Variants in SRGAP2B observed in about 807,000 individuals in gnomAD.
SRGAP2B encodes SLIT-ROBO Rho GTPase-activating protein 2B.
A neutral mutation model predicts 22.2 loss-of-function variants in SRGAP2B; 9 were observed. The ratio of observed to expected loss-of-function variants is 0.41; its 90% CI spans 0.24 to 0.71. The LOEUF is 0.71. SRGAP2B is among the 30% of genes least tolerant of loss of function. The probability of loss-of-function intolerance (pLI) is 0.35; values close to 1 mark genes in which losing one functional copy is unlikely to be tolerated. For missense variants in SRGAP2B, 114 were observed against 235.8 expected (o/e 0.48, Z 3.38); for synonymous variants, 36 against 87.4 (o/e 0.41, Z 3.28).
intron 4 of SRGAP2B, chr1:144,920,002 G>T (rs1383309122): frequency 6.6e-6 from 1 of 150,698 alleles, no homozygotes; most frequent in Non-Finnish European, 1.5e-5. Context: ...GCTGACTGGT[G>T]CATTTACAAT....
chr1:145,002,580 T>C (rs6600708), intron 2 of SRGAP2B, among the ~76,000 whole-genome samples: 1 of 147,308 alleles, frequency 6.8e-6, no homozygotes, highest in African/African-American at 2.6e-5. Flanking sequence ...ATAAAAGATA[T>C]ATAAAAAAGA....
intron 3 of SRGAP2B, among the ~76,000 whole-genome samples, chr1:144,975,868 C>CTT (rs56268353): frequency 5.5e-3 from 149 of 27,234 alleles, no homozygotes; most frequent in Non-Finnish European, 6.1e-3. Flanking sequence ...GTTAGTAATT[C>CTT]TTTTTTTTTT....
chr1:145,013,332 G>GCCTCCAGGC (rs1461577489), intron 2 of SRGAP2B, among the ~76,000 whole-genome samples: 1 of 146,010 alleles, frequency 6.8e-6, no homozygotes, highest in Admixed American at 6.8e-5. Flanking sequence ...TGCCTCCCCT[G>GCCTCCAGGC]CCTCCAGGCA....
At chr1:144,955,299 T>C (rs1667174125) in intron 4 of SRGAP2B, 140 bp downstream of exon 4, 1 of 428,852 alleles carries the variant, frequency 2.3e-6, no homozygotes, top group South Asian at 2.6e-5. Flanking sequence ...GCAAGTTTGT[T>C]ACATGGGTAA....
intron 5 of SRGAP2B, among the ~76,000 whole-genome samples, chr1:144,909,564 G>A (rs1663257874): frequency 1.4e-5 from 2 of 146,208 alleles, no homozygotes; most frequent in Admixed American, 1.3e-4. Flanking sequence ...TCCAGCCTGG[G>A]CAACAGAGCG....
At chr1:144,984,802 C>T (rs1485998444) in intron 3 of SRGAP2B, among the ~76,000 whole-genome samples, 3 of 150,764 alleles carry the variant, frequency 2.0e-5, no homozygotes, top group Non-Finnish European at 4.4e-5. Flanking sequence ...TTATTTAAAC[C>T]ATCAGTGGTT....
At chr1:145,022,326 AC>A (rs1281158362) in intron 2 of SRGAP2B, among the ~76,000 whole-genome samples, 2 of 31,200 alleles carry the variant, frequency 6.4e-5, no homozygotes, top group African/African-American at 1.5e-4. Flanking sequence ...CCCCTACCCC[AC>A]CCCCCAACCC....
chr1:144,929,658 A>C (rs1407358836), intron 4 of SRGAP2B, among the ~76,000 whole-genome samples: 1 of 151,392 alleles, frequency 6.6e-6, no homozygotes, highest in African/African-American at 2.5e-5. Context: ...ACTGAGTGCC[A>C]AACATCATAA....
In SRGAP2B at chr1:144,928,380, C is replaced by T. The variant is rs587682300; in HGVS notation, c.424-13626G>A. Among the ~76,000 whole-genome samples, 3 of 146,328 alleles carry T rather than the reference C, an allele frequency of 2.1e-5. No homozygotes were observed. The East Asian group carries it at 5.9e-4, about 29-fold the overall frequency. On this transcript the variant is annotated intron_variant, in intron 4 of 9. Coordinates refer to ENST00000612199, the Ensembl canonical transcript of SRGAP2B. ...TTTGTTCCATAAATCACTTCATTAA[C>T]ATTTGGGTTGCTTCCACTTTTTGGT...
At chr1:144,950,876 T>A (rs1553609257) in intron 4 of SRGAP2B, among the ~76,000 whole-genome samples, 1 of 150,846 alleles carries the variant, frequency 6.6e-6, no homozygotes, top group East Asian at 1.9e-4. Flanking sequence ...TGAGACGAAG[T>A]CTTGCTCTGT....
intron 5 of SRGAP2B, among the ~76,000 whole-genome samples, chr1:144,907,138 CGTGTGT>C (rs1166076665): frequency 4.0e-4 from 51 of 128,196 alleles, no homozygotes; most frequent in South Asian, 2.3e-3. Flanking sequence ...TGTGTGTGTG[CGTGTGT>C]GTGTGTGTGT....
chr1:145,087,252 GT>G (rs1480343667), intron 2 of SRGAP2B, among the ~76,000 whole-genome samples: 1 of 148,276 alleles, frequency 6.7e-6, no homozygotes, highest in Middle Eastern at 3.2e-3. Context: ...ATCAGTAAGG[GT>G]GTTAATTTTG....
At chr1:144,945,414 AT>A (rs1224870082) in intron 4 of SRGAP2B, among the ~76,000 whole-genome samples, 16 of 151,420 alleles carry the variant, frequency 1.1e-4, no homozygotes, top group Admixed American at 1.3e-4. Context: ...ATGAATAAAT[AT>A]TGGAAGCAGC....
In SRGAP2B at chr1:144,934,381, C is replaced by G. The variant is rs1238472825; in HGVS notation, c.424-19627G>C. Among the ~76,000 whole-genome samples the G allele has an allele frequency of 3.9e-5, 4 of 102,342 alleles. No homozygotes were observed. In the East Asian group the frequency reaches 1.1e-3, roughly 29 times the overall value. 67.1% of individuals were successfully genotyped at this position (102,342 alleles called of 152,430 possible). ...ATCGCGCACTGCACTCCAGCCTGGGCAACAAGAGCAAAACTCCATCTCAAA... is the reference window on the plus strand; with the variant it reads ...ATCGCGCACTGCACTCCAGCCTGGGGAACAAGAGCAAAACTCCATCTCAAA... On this transcript the variant is annotated intron_variant, in intron 4 of 9. Transcript: ENST00000612199.
At chr1:145,009,327 G>A (rs1324506636) in intron 2 of SRGAP2B, among the ~76,000 whole-genome samples, 2 of 150,496 alleles carry the variant, frequency 1.3e-5, no homozygotes, top group Admixed American at 1.3e-4. Context: ...GGTGGCTCAC[G>A]CCTGTAATCC....
intron 3 of SRGAP2B, among the ~76,000 whole-genome samples, chr1:144,965,581 G>A (rs1278045770): frequency 9.3e-5 from 13 of 139,204 alleles, no homozygotes; most frequent in Non-Finnish European, 1.7e-4. Flanking sequence ...AACGCAGAGC[G>A]CCTCTCCTCC....
rs1335993750 is a variant in SRGAP2B at position 144,904,830 on chromosome 1, TCTGA to T, written c.831+257_831+260del. ...TTGCCTCTGTCATTTGTTAACTGACTCTGACTAAGTCATCTAAACTCTCTGTTAA... is the reference window on the plus strand; with the variant it reads ...TTGCCTCTGTCATTTGTTAACTGACTCTAAGTCATCTAAACTCTCTGTTAA... On this transcript the variant is annotated intron_variant, in intron 7 of 9. Coordinates refer to ENST00000612199, the Ensembl canonical transcript of SRGAP2B. 6.0e-3 allele frequency among the ~76,000 whole-genome samples: 646 copies of T among 107,358 alleles called. 13 individuals are homozygous for T. Among genetic ancestry groups the T allele is most frequent in the Non-Finnish European group, 9.0e-3 (525 of 58,254 alleles). The allele number at this position is 107,358 out of a possible 152,430, so 70.4% of individuals were successfully genotyped here.
At chr1:145,009,599 A>C (rs1418275115) in intron 2 of SRGAP2B, among the ~76,000 whole-genome samples, 1 of 150,246 alleles carries the variant, frequency 6.7e-6, no homozygotes, top group African/African-American at 2.5e-5. Context: ...AAAAAAAAAA[A>C]AACAAAATTG....
Position 144,998,491 on chromosome 1 carries a change from C to T in SRGAP2B, c.68-3291G>A, listed in dbSNP as rs1226492995. On this transcript the variant is annotated intron_variant, in intron 2 of 9. Transcript: ENST00000612199. ...AGGCTCTGTTAATAGATACCACCTG[C>T]TAGTGTGGTTTATTTGTGATATGAC... Among the ~76,000 whole-genome samples, 42 of 146,148 alleles carry T rather than the reference C, an allele frequency of 2.9e-4. 1 individual carries two copies. Among genetic ancestry groups the T allele is most frequent in the Non-Finnish European group, 5.4e-4 (36 of 67,172 alleles).
Sources: allele counts gnomAD v4.1 joint callset (sites outside exome capture counted in the v4.1 genomes callset), GRCh38; gene constraint gnomAD v4.1.1; transcripts MANE v1.5; gene names NCBI Gene and HGNC (gene_info 2026-07-23, HGNC 2026-07-21).